Variants in GPC5 observed in about 807,000 individuals in gnomAD.
GPC5 encodes glypican 5, also known as glypican-5.
A neutral mutation model predicts 53.9 loss-of-function variants in GPC5; 47 were observed. That is an observed-to-expected ratio of 0.87 (90% CI 0.69 to 1.11). The LOEUF (loss-of-function observed/expected upper bound fraction) is 1.11, where lower values mean the gene tolerates loss of function less well. GPC5 is among the 50% of genes most tolerant of loss of function. The pLI, the probability that GPC5 is intolerant of heterozygous loss-of-function variation, is 0.00. For synonymous variants in GPC5, 286 were observed against 263.3 expected (o/e 1.09, Z -0.84); for missense variants, 748 against 713.1 (o/e 1.05, Z -0.56).
rs9561164 is a variant in GPC5, at chr13:92,806,686, T to C, written c.1562-59596T>C. On this transcript the variant is annotated intron_variant, in intron 7 of 7. Coordinates refer to ENST00000377067, the MANE Select transcript of GPC5 (RefSeq NM_004466.6). ...ATAGGGAAGCCTGAGGAGAGGGAGA[T>C]GGGGGAATGGCTGGTTAGTGGAGCA... Among the ~76,000 whole-genome samples the C allele has an allele frequency of 0.025, 3,856 of 151,956 alleles. 382 individuals carry two copies. The East Asian group carries it at 0.32, about 13-fold the overall frequency.
chr13:91,832,845 G>T (rs1171116480), intron 5 of GPC5, among the ~76,000 whole-genome samples: 1 of 151,984 alleles, frequency 6.6e-6, no homozygotes, highest in Non-Finnish European at 1.5e-5. Context: ...AGAGAAGCAA[G>T]AGCAAACACA....
intron 5 of GPC5, among the ~76,000 whole-genome samples, chr13:91,794,394 A>G (rs528624950): frequency 4.5e-4 from 68 of 152,274 alleles, no homozygotes; most frequent in African/African-American, 1.6e-3. Context: ...CTTCACTGTC[A>G]ACAGATACCA....
intron 7 of GPC5, among the ~76,000 whole-genome samples, chr13:92,826,596 T>G (rs1332937187): frequency 2.0e-5 from 3 of 152,116 alleles, no homozygotes; most frequent in Non-Finnish European, 2.9e-5. Flanking sequence ...AATATCCTGT[T>G]GGAAATGTTT....
intron 6 of GPC5, among the ~76,000 whole-genome samples, chr13:92,038,233 G>A (rs1594738193): frequency 6.6e-6 from 1 of 151,884 alleles, no homozygotes; most frequent in East Asian, 2.0e-4. Context: ...CTACTGTGGT[G>A]TAACAAGTTT....
chr13:91,764,096 A>G (rs1263408974), intron 5 of GPC5, among the ~76,000 whole-genome samples: 1 of 152,132 alleles, frequency 6.6e-6, no homozygotes, highest in African/African-American at 2.4e-5. Flanking sequence ...ACACAGTTGA[A>G]TCCTTGATCT....
intron 6 of GPC5, among the ~76,000 whole-genome samples, chr13:92,138,392 C>T (rs1245257235): frequency 6.6e-6 from 1 of 151,914 alleles, no homozygotes; most frequent in East Asian, 1.9e-4. Context: ...TGGTGGTGTG[C>T]ACCTGTTGTC....
At chr13:92,508,457 G>A (rs1320619672) in intron 7 of GPC5, among the ~76,000 whole-genome samples, 4 of 152,130 alleles carry the variant, frequency 2.6e-5, no homozygotes, top group Admixed American at 2.6e-4. Flanking sequence ...TATGAATTGT[G>A]TATTGTTTTA....
At chr13:91,790,312 C>T (rs2037944759) in intron 5 of GPC5, among the ~76,000 whole-genome samples, 1 of 152,054 alleles carries the variant, frequency 6.6e-6, no homozygotes, top group Non-Finnish European at 1.5e-5. Context: ...GTCATTTGCC[C>T]AAGGCATACA....
chr13:92,311,903 G>C (rs895560497), intron 7 of GPC5, among the ~76,000 whole-genome samples: 1 of 152,072 alleles, frequency 6.6e-6, no homozygotes, highest in African/African-American at 2.4e-5. Flanking sequence ...GTGAGCAAAG[G>C]GTGAGGCAAT....
chr13:92,125,958 TTTTTTTTTTTTTTTTG>T (rs2041693379), intron 6 of GPC5, among the ~76,000 whole-genome samples: 1 of 44,680 alleles, frequency 2.2e-5, no homozygotes, highest in African/African-American at 7.7e-5. Context: ...TTTTTTTTTT[TTTTTTTTTTTTTTTTG>T]AGATGAGTCT....
chr13:92,669,905 C>T (rs757406365), intron 7 of GPC5, among the ~76,000 whole-genome samples: 2 of 152,276 alleles, frequency 1.3e-5, no homozygotes, highest in African/African-American at 2.4e-5. Flanking sequence ...GACAATGTAC[C>T]GGAATCCCTA....
intron 2 of GPC5, among the ~76,000 whole-genome samples, chr13:91,572,521 T>A (rs9301739): frequency 0.48 from 72,860 of 151,896 alleles, 19,689 homozygotes; most frequent in African/African-American, 0.75. Flanking sequence ...GGGGGAGCCA[T>A]TGTATCACAT....
At chr13:92,219,320 A>C (rs568810245) in intron 7 of GPC5, among the ~76,000 whole-genome samples, 1 of 152,156 alleles carries the variant, frequency 6.6e-6, no homozygotes, top group Non-Finnish European at 1.5e-5. Context: ...TTTTCCAATT[A>C]TATCACTTTC....
intron 6 of GPC5, among the ~76,000 whole-genome samples, chr13:92,031,864 T>TATTACATATTATATATAATATATAA (rs1566403477): frequency 2.6e-3 from 82 of 31,844 alleles, no homozygotes; most frequent in Admixed American, 4.6e-3. Context: ...ATAATATATA[T>TATTACATATTATATATAATATATAA]ATTATATATA....
chr13:92,807,516 T>G (rs1228602661), intron 7 of GPC5, among the ~76,000 whole-genome samples: 1 of 152,030 alleles, frequency 6.6e-6, no homozygotes, highest in African/African-American at 2.4e-5. Context: ...TGCATTATTC[T>G]TCTGGTATTT....
chr13:91,784,464 C>T (rs1005056342), intron 5 of GPC5, among the ~76,000 whole-genome samples: 1 of 152,082 alleles, frequency 6.6e-6, no homozygotes, highest in African/African-American at 2.4e-5. Context: ...GTGGCTCACA[C>T]CTGTAATCCC....
intron 5 of GPC5, among the ~76,000 whole-genome samples, chr13:91,813,645 T>C (rs1427986667): frequency 6.6e-6 from 1 of 152,162 alleles, no homozygotes; most frequent in Non-Finnish European, 1.5e-5. Context: ...TTGCCGAGTA[T>C]TGGATATAAC....
chr13:92,730,892 G>C (rs932205405), intron 7 of GPC5, among the ~76,000 whole-genome samples: 2 of 151,364 alleles, frequency 1.3e-5, no homozygotes, highest in African/African-American at 2.4e-5. Flanking sequence ...CTTAGCGGGT[G>C]GTGAAAATTA....
rs2042487213 is a variant in GPC5 at position 92,226,491 on chromosome 13, T to C, written c.1561+81502T>C. ...GCAGACTAGTCAGACATAATTTATC[T>C]TCTTCTAACTCCTGAAAAGCACACA... On this transcript the variant is annotated intron_variant, in intron 7 of 7. Coordinates refer to ENST00000377067, the MANE Select transcript of GPC5 (RefSeq NM_004466.6). 3.9e-5 allele frequency among the ~76,000 whole-genome samples: 6 copies of C among 152,174 alleles called. No individual in the cohort carries two copies. The South Asian group carries it at 1.2e-3, about 32-fold the overall frequency.
Sources: allele counts gnomAD v4.1 joint callset (sites outside exome capture counted in the v4.1 genomes callset), GRCh38; gene constraint gnomAD v4.1.1; transcripts MANE v1.5; gene names NCBI Gene and HGNC (gene_info 2026-07-23, HGNC 2026-07-21).